EXOSC2: variants seen among roughly 807,000 people sequenced by gnomAD.
The protein encoded by EXOSC2 is exosome complex component RRP4.
EXOSC2 carries 29 observed loss-of-function variants against 37.6 expected under a neutral mutation model. The ratio of observed to expected loss-of-function variants is 0.77; its 90% CI spans 0.57 to 1.05. EXOSC2 has a LOEUF of 1.05. EXOSC2 is among the 50% of genes least tolerant of loss of function. The pLI is 0.00. For synonymous variants in EXOSC2, 119 were observed against 131.1 expected (o/e 0.91, Z 0.63); for missense variants, 346 against 365.6 (o/e 0.95, Z 0.44).
intron 5 of EXOSC2, 80 bp downstream of exon 5, chr9:130,699,474 CG>C: frequency 3.0e-6 from 4 of 1,351,284 alleles, no homozygotes; most frequent in Non-Finnish European, 1.1e-6. Flanking sequence ...ATGTCTCTGA[CG>C]GAAGAACCAT....
chr9:130,702,219 C>T lies in EXOSC2; in HGVS notation c.581C>T (p.Ser194Leu), dbSNP rs1831232125. ...THFHDLPCGA[S>L]VILGNNGFIW... is the part of the protein sequence containing the mutation. ...TTTCATGATTTGCCATGTGGTGCCTCAGTGATTCTCGGTAACAACGGCTTC... is the reference window on the plus strand; with the variant it reads ...TTTCATGATTTGCCATGTGGTGCCTTAGTGATTCTCGGTAACAACGGCTTC... Residue 194 changes from serine (S) to leucine (L), a missense_variant, in exon 7 of 9, where the codon TCA becomes TTA. Transcript: ENST00000372358. The T allele has an allele frequency of 1.2e-6, 2 of 1,614,038 alleles. No homozygotes were observed. Among genetic ancestry groups the T allele is most frequent in the Admixed American group, 1.7e-5 (1 of 59,994 alleles).
At chr9:130,693,951 C>A (rs1452307954) in intron 1 of EXOSC2, 38 bp downstream of exon 1, 15 of 1,568,486 alleles carry the variant, frequency 9.6e-6, no homozygotes, top group Non-Finnish European at 1.3e-5. Context: ...CTTCAGAGAG[C>A]GGCTTCAGGG....
Position 130,703,830 on chromosome 9 carries a change from T to A in EXOSC2, c.*56T>A, listed in dbSNP as rs937458651. The A allele has an allele frequency of 5.0e-6, 7 of 1,406,838 alleles. No homozygotes were observed. The highest frequency in any genetic ancestry group is 7.0e-6 in the Non-Finnish European group (7 of 1,006,286). The allele number at this position is 1,406,838 out of a possible 1,614,324, so 87.1% of individuals were successfully genotyped here. On this transcript the variant is annotated 3_prime_UTR_variant, in exon 9 of 9. Coordinates refer to ENST00000372358, the MANE Select transcript of EXOSC2 (RefSeq NM_014285.7). ...CCTTGCAGGAGTGAAGACTGTGATGTGTGGTCCCCATATGTGGCTCAGCAA... is the reference window on the plus strand; with the variant it reads ...CCTTGCAGGAGTGAAGACTGTGATGAGTGGTCCCCATATGTGGCTCAGCAA...
Position 130,702,230 on chromosome 9 carries a change from G to C in EXOSC2, c.592G>C (p.Gly198Arg). The C allele has an allele frequency of 6.2e-7, 1 of 1,614,072 alleles. No homozygotes were observed. Among genetic ancestry groups the C allele is most frequent in the Non-Finnish European group, 8.5e-7 (1 of 1,180,006 alleles). ...DLPCGASVIL[G>R]NNGFIWIYPT... The stretch of plus-strand genomic sequence containing the variant: ...GCCATGTGGTGCCTCAGTGATTCTC[G>C]GTAACAACGGCTTCATCTGGATTTA... Residue 198 changes from glycine (G) to arginine (R), a missense_variant, in exon 7 of 9, where the codon GGT becomes CGT. By Grantham distance (125) the Gly-to-Arg change is moderately radical (BLOSUM62 -2). Transcript: ENST00000372358.
At chr9:130,697,865 C>T in intron 3 of EXOSC2, 1 of 547,108 alleles carries the variant, frequency 1.8e-6, no homozygotes, top group Non-Finnish European at 3.3e-6. Flanking sequence ...ATGATCTTGG[C>T]TCACTGCAAC....
rs566735734 is a variant in EXOSC2, at chr9:130,704,037, C to G, written c.*263C>G. 17 of 303,806 alleles carry G rather than the reference C, an allele frequency of 5.6e-5. No individual in the cohort carries two copies. The highest frequency in any genetic ancestry group is 3.7e-4 in the African/African-American group (17 of 46,346). 18.8% of individuals were successfully genotyped at this position (303,806 alleles called of 1,614,324 possible). On this transcript the variant is annotated 3_prime_UTR_variant, in exon 9 of 9. Transcript: ENST00000372358. ...AGCTCTTTCAAAGTGCACAGTGTTA[C>G]AGTCGAATGGGCTCCCATCCTGGAA... is the stretch of plus-strand genomic sequence containing the variant.
At position 130,700,365 on chromosome 9, in the gene EXOSC2, A is replaced by ATTTT. The variant is rs1554754667; in HGVS notation, c.427-499_427-498insTTTT. On this transcript the variant is annotated intron_variant, in intron 5 of 8. Coordinates refer to ENST00000372358, the MANE Select transcript of EXOSC2 (RefSeq NM_014285.7). ...TATTTATTTATTTATTTATTTATTT[A>ATTTT]TTTATTTTTTTGAGACGGAGTTTCA... Among the ~76,000 whole-genome samples the ATTTT allele has an allele frequency of 6.1e-3, 856 of 141,094 alleles. 27 individuals carry two copies. The highest frequency in any genetic ancestry group is 0.019 in the South Asian group (85 of 4,452). 92.6% of individuals were successfully genotyped at this position (141,094 alleles called of 152,430 possible).
intron 1 of EXOSC2, 58 bp downstream of exon 1, chr9:130,693,971 C>G: frequency 6.5e-7 from 1 of 1,542,946 alleles, no homozygotes; most frequent in Non-Finnish European, 8.8e-7. Flanking sequence ...GCTCTCTGCA[C>G]GTGGTCCAGG....
At chr9:130,702,944 C>T (rs1234174767) in intron 7 of EXOSC2, 109 bp from the exon 8 acceptor site, 1 of 1,337,160 alleles carries the variant, frequency 7.5e-7, no homozygotes, top group South Asian at 1.3e-5. Flanking sequence ...TTTGGAGTTC[C>T]AGGGTGATAC....
chr9:130,701,987 G>A, intron 6 of EXOSC2, 147 bp from the exon 7 acceptor site: 1 of 1,439,472 alleles, frequency 6.9e-7, no homozygotes, highest in South Asian at 1.5e-5. Context: ...CTGCAAAAAT[G>A]TGTACTATGT....
chr9:130,700,807 G>A (rs1831198513), intron 5 of EXOSC2, 60 bp from the exon 6 acceptor site: 3 of 1,523,242 alleles, frequency 2.0e-6, no homozygotes, highest in Non-Finnish European at 2.7e-6. Context: ...GGGAGAGGCT[G>A]CAGAGGACAG....
chr9:130,700,398 T>G (rs1831190378), intron 5 of EXOSC2, among the ~76,000 whole-genome samples: 2 of 151,606 alleles, frequency 1.3e-5, no homozygotes, highest in Admixed American at 6.6e-5. Context: ...TCACTCTTGT[T>G]GCCCAGGCTG....
intron 6 of EXOSC2, chr9:130,701,383 A>G (rs898283361): frequency 1.3e-5 from 2 of 157,758 alleles, no homozygotes; most frequent in Non-Finnish European, 2.8e-5. Context: ...GAGCCTCTAA[A>G]TGGAATTTCA....
intron 8 of EXOSC2, among the ~76,000 whole-genome samples, 199 bp from the exon 9 acceptor site, chr9:130,703,495 T>C (rs770335164): frequency 2.2e-4 from 34 of 152,242 alleles, no homozygotes; most frequent in Non-Finnish European, 1.8e-4. Context: ...AATATCTTTG[T>C]TCTTGTCGAC....
In EXOSC2 at chr9:130,697,504, C is replaced by T. The variant is rs979104154; in HGVS notation, c.225-78C>T. On this transcript the variant is annotated intron_variant, in intron 2 of 8. Coordinates refer to ENST00000372358, the MANE Select transcript of EXOSC2 (RefSeq NM_014285.7). ...TGTTCCAGGCTTTCACCCTGTTGAA[C>T]CGACATCTCAAATGGTGTGTGGTCT... The T allele has an allele frequency of 8.5e-6, 12 of 1,411,146 alleles. No homozygotes were observed. In the African/African-American group the frequency reaches 1.4e-4, roughly 17 times the overall value. The allele number at this position is 1,411,146 out of a possible 1,614,324, so 87.4% of individuals were successfully genotyped here.
chr9:130,701,707 C>T, intron 6 of EXOSC2: 1 of 844,642 alleles, frequency 1.2e-6, no homozygotes, highest in South Asian at 5.2e-5. Context: ...CAGCTCCACC[C>T]ATCTCCTTAC....
intron 1 of EXOSC2, 108 bp from the exon 2 acceptor site, chr9:130,695,384 C>A: frequency 2.1e-6 from 2 of 935,570 alleles, no homozygotes; most frequent in Non-Finnish European, 3.5e-6. Context: ...AGAAGCCACG[C>A]TTTGCAGGGG....
rs146758009 is a variant in EXOSC2 at position 130,697,505 on chromosome 9, C to T, written c.225-77C>T. On this transcript the variant is annotated intron_variant, in intron 2 of 8. Coordinates refer to ENST00000372358, the MANE Select transcript of EXOSC2 (RefSeq NM_014285.7). ...GTTCCAGGCTTTCACCCTGTTGAAC[C>T]GACATCTCAAATGGTGTGTGGTCTT... 1.2e-3 allele frequency: 1,656 copies of T among 1,415,430 alleles called. 17 individuals carry two copies. In the African/African-American group the frequency reaches 0.016, roughly 14 times the overall value. 87.7% of individuals were successfully genotyped at this position (1,415,430 alleles called of 1,614,324 possible).
At chr9:130,697,399 G>C (rs138021425) in intron 2 of EXOSC2, among the ~76,000 whole-genome samples, 183 bp from the exon 3 acceptor site, 2 of 152,232 alleles carry the variant, frequency 1.3e-5, no homozygotes, top group Non-Finnish European at 2.9e-5. Context: ...GACTTTATAC[G>C]TGGAGGAATG....
Sources: allele counts gnomAD v4.1 joint callset (sites outside exome capture counted in the v4.1 genomes callset), GRCh38; gene constraint gnomAD v4.1.1; transcripts MANE v1.5; gene names NCBI Gene and HGNC (gene_info 2026-07-23, HGNC 2026-07-21).